The following PHACTR2 variants were observed in gnomAD, a reference collection of about 807,000 sequenced individuals.
PHACTR2 encodes the protein phosphatase and actin regulator 2.
PHACTR2 carries 30 observed loss-of-function variants against 76.0 expected under a neutral mutation model. The observed-to-expected ratio is 0.39, with a 90% CI of 0.30 to 0.54. The LOEUF (loss-of-function observed/expected upper bound fraction) is 0.54, where lower values mean the gene tolerates loss of function less well. PHACTR2 is among the 20% of genes least tolerant of loss of function. PHACTR2 has a pLI of 0.61. For synonymous variants in PHACTR2, 292 were observed against 292.5 expected (o/e 1.00, Z 0.02); for missense variants, 696 against 781.1 (o/e 0.89, Z 1.30).
intron 12 of PHACTR2, among the ~76,000 whole-genome samples, chr6:143,810,416 C>T (rs1268788116): frequency 6.6e-6 from 1 of 152,136 alleles, no homozygotes; most frequent in Admixed American, 6.5e-5. Flanking sequence ...GTTTACAGAT[C>T]TACAGTTTAA....
Position 143,689,312 on chromosome 6 carries a change from G to T in PHACTR2, c.46+11103G>T, listed in dbSNP as rs928641546. 1.3e-5 allele frequency among the ~76,000 whole-genome samples: 2 copies of T among 152,144 alleles called. No individual in the cohort carries two copies. Among genetic ancestry groups the T allele is most frequent in the Non-Finnish European group, 2.9e-5 (2 of 68,032 alleles). On this transcript the variant is annotated intron_variant, in intron 1 of 12. Coordinates refer to ENST00000440869, the MANE Select transcript of PHACTR2 (RefSeq NM_001100164.2). This position sits in a 1 kb window ranked among gnomAD's most constrained non-coding sequence, Gnocchi z 4.4. The stretch of plus-strand genomic sequence containing the variant: ...AGAACATAAGCTCCATGATCTAAAA[G>T]ACGTTATCTGTCTTGTTCACCAATG...
Position 143,537,106 on chromosome 6 carries a change from G to A in PHACTR2, c.116G>A (p.Arg39His). The A allele has an allele frequency of 3.5e-6, 1 of 283,948 alleles. No homozygotes were observed. The highest frequency in any genetic ancestry group is 4.4e-5 in the South Asian group (1 of 22,782). 17.6% of individuals were successfully genotyped at this position (283,948 alleles called of 1,614,324 possible). The change falls in exon 1 of 12, where the codon CGC becomes CAC. Residue 39 changes from arginine to histidine, a missense_variant. Arg to His is a conservative substitution (Grantham distance 29). Transcript: ENST00000367584. The surrounding 1 kb of genome is among the most constrained non-coding windows in gnomAD (Gnocchi z 4.4). ...GCCCCGCCGGCGGCGCCTGCCCTGC[G>A]CTGGCTTCCCGGGGACCCGAGCCCC...
chr6:143,625,512 C>T lies in PHACTR2; in HGVS notation c.13+17190C>T, dbSNP rs1306569879. ...ATAATAAATATTATTGATAACTTAT[C>T]GAATAGGTAATTGCTGCATATTGAT... On this transcript the variant is annotated intron_variant, in intron 1 of 11. Transcript: ENST00000305766. The surrounding 1 kb of genome is among the most constrained non-coding windows in gnomAD (Gnocchi z 4.3). 2.0e-5 allele frequency among the ~76,000 whole-genome samples: 3 copies of T among 152,098 alleles called. No homozygotes were observed. The highest frequency in any genetic ancestry group is 2.9e-5 in the Non-Finnish European group (2 of 68,018).
chr6:143,624,670 A>G lies in PHACTR2; in HGVS notation c.13+16348A>G, dbSNP rs533279805. 1.6e-4 allele frequency among the ~76,000 whole-genome samples: 25 copies of G among 152,042 alleles called. No homozygotes were observed. The highest frequency in any genetic ancestry group is 3.9e-4 in the Admixed American group (6 of 15,266). On this transcript the variant is annotated intron_variant, in intron 1 of 11. Transcript: ENST00000305766. The surrounding 1 kb of genome is among the most constrained non-coding windows in gnomAD (Gnocchi z 4.6). ...CTGCTTGGATGGGGACATGTGTTCA[A>G]TCTGCCCTTGAGGAGCTCCAGGCCT... is the stretch of plus-strand genomic sequence containing the variant.
In PHACTR2 at chr6:143,658,777, C is replaced by T. The variant is rs1374781755; in HGVS notation, c.13+50455C>T. ...ACAGTGACTCTGCCTGTAATCTCAG[C>T]ACTTCGGGAGGCCAAGGTGGCAGGA... On this transcript the variant is annotated intron_variant, in intron 1 of 11. Transcript: ENST00000305766. This position sits in a 1 kb window ranked among gnomAD's most constrained non-coding sequence, Gnocchi z 4.1. Among the ~76,000 whole-genome samples the T allele has an allele frequency of 6.6e-6, 1 of 152,136 alleles. No homozygotes were observed. Among genetic ancestry groups the T allele is most frequent in the East Asian group, 1.9e-4 (1 of 5,194 alleles).
rs770747790 is a variant in PHACTR2, at chr6:143,711,816, T to C, written c.47-200T>C. 275 of 740,802 alleles carry C rather than the reference T, an allele frequency of 3.7e-4. 3 individuals carry two copies. Among genetic ancestry groups the C allele is most frequent in the South Asian group, 3.2e-3 (233 of 73,622 alleles). 45.9% of individuals were successfully genotyped at this position (740,802 alleles called of 1,614,324 possible). A position where few individuals can be genotyped will look rare whatever the true frequency, so the allele number is the denominator to read the frequency against. On this transcript the variant is annotated intron_variant, in intron 1 of 12. Transcript: ENST00000440869. Reference sequence around the variant, plus strand: ...CTAGTCTGTTTCCCCAGAATGATTTTCTAAGTGGGCTGTAATTTCTGATTG... The same window carrying C: ...CTAGTCTGTTTCCCCAGAATGATTTCCTAAGTGGGCTGTAATTTCTGATTG...
Position 143,820,449 on chromosome 6 carries a change from A to C in PHACTR2, c.1923-3225A>C, listed in dbSNP as rs1776393302. On this transcript the variant is annotated intron_variant, in intron 12 of 12. Transcript: ENST00000440869. The surrounding 1 kb of genome is among the most constrained non-coding windows in gnomAD (Gnocchi z 4.2). ...AACATTCCCGTTCCCAAAGGGAGAA[A>C]TCAGACAAAAGAAGGTGGCTACAGG... 6.6e-6 allele frequency among the ~76,000 whole-genome samples: 1 copy of C among 152,224 alleles called. No homozygotes were observed. The highest frequency in any genetic ancestry group is 2.4e-5 in the African/African-American group (1 of 41,454).
Position 143,765,445 on chromosome 6 carries a change from CACA to C in PHACTR2, c.885_887del (p.Thr296del), listed in dbSNP as rs1310639078. Reference sequence around the variant, plus strand: ...CAATAACTTCTCACCTGTCCTCAGACACAACAACTTCTGGCACATCCGACCTGA... The same window carrying C: ...CAATAACTTCTCACCTGTCCTCAGACACAACTTCTGGCACATCCGACCTGA... On this transcript the variant is annotated inframe_deletion, in exon 6 of 13. Coordinates refer to ENST00000440869, the MANE Select transcript of PHACTR2 (RefSeq NM_001100164.2). The surrounding 1 kb of genome is among the most constrained non-coding windows in gnomAD (Gnocchi z 4.1). The C allele has an allele frequency of 2.5e-6, 4 of 1,614,096 alleles. No individual in the cohort carries two copies. The highest frequency in any genetic ancestry group is 1.1e-5 in the South Asian group (1 of 91,088).
At chr6:143,674,144 T>C (rs1411215567), upstream of PHACTR2, among the ~76,000 whole-genome samples, 1 of 152,188 alleles carries the variant, frequency 6.6e-6, no homozygotes, top group African/African-American at 2.4e-5. The surrounding 1 kb of genome is among the most constrained non-coding windows in gnomAD (Gnocchi z 4.9). Flanking sequence ...AACTTTACCA[T>C]AGAGTAACAT....
chr6:143,811,570 C>T lies in PHACTR2; in HGVS notation c.1922+4437C>T, dbSNP rs1776174784. ...TCCAAAACATAAATTGATTAACACT[C>T]TTTAATACCTTTCCAGATAAGGAAA... On this transcript the variant is annotated intron_variant, in intron 12 of 12. Coordinates refer to ENST00000440869, the MANE Select transcript of PHACTR2 (RefSeq NM_001100164.2). The surrounding 1 kb of genome is among the most constrained non-coding windows in gnomAD (Gnocchi z 4.1). 6.6e-6 allele frequency among the ~76,000 whole-genome samples: 1 copy of T among 152,130 alleles called. No homozygotes were observed. Among genetic ancestry groups the T allele is most frequent in the Non-Finnish European group, 1.5e-5 (1 of 68,020 alleles).
intron 1 of PHACTR2, among the ~76,000 whole-genome samples, chr6:143,685,489 C>T (rs1466266384): frequency 1.3e-5 from 2 of 151,886 alleles, no homozygotes; most frequent in African/African-American, 4.8e-5. Flanking sequence ...CACTATGGGC[C>T]AGGAACTACT....
chr6:143,672,737 C>A lies in PHACTR2; in HGVS notation c.14-39279C>A, dbSNP rs189672033. Among the ~76,000 whole-genome samples, 60 of 151,924 alleles carry A rather than the reference C, an allele frequency of 3.9e-4. No individual in the cohort carries two copies. The Middle Eastern group carries it at 0.017, about 43-fold the overall frequency. ...TATTTTTATTTTTATTTATTTATTT[C>A]TTTTTGAGACAGAGTCTCACTCTGT... On this transcript the variant is annotated intron_variant, in intron 1 of 11. Coordinates refer to the PHACTR2 transcript ENST00000305766. This position sits in a 1 kb window ranked among gnomAD's most constrained non-coding sequence, Gnocchi z 5.8.
At chr6:143,674,690 A>G (rs1385182718), upstream of PHACTR2, among the ~76,000 whole-genome samples, 2 of 152,158 alleles carry the variant, frequency 1.3e-5, no homozygotes, top group Non-Finnish European at 2.9e-5. This position sits in a 1 kb window ranked among gnomAD's most constrained non-coding sequence, Gnocchi z 4.9. Context: ...AGCTGGCAGC[A>G]TCTGGACAAG....
rs1173568365 is a variant in PHACTR2 at position 143,754,017 on chromosome 6, GGAGAGGTTTACA to G, written c.454+106_454+117del. The G allele has an allele frequency of 2.3e-5, 14 of 601,566 alleles. No individual in the cohort carries two copies. The highest frequency in any genetic ancestry group is 3.7e-5 in the Non-Finnish European group (14 of 379,238). The allele number at this position is 601,566 out of a possible 1,614,324, so 37.3% of individuals were successfully genotyped here. ...GACTCTAAAACCAGCAGTCTGCAGA[GGAGAGGTTTACA>G]AATAGAAAAAAGAAAGAAATGATAA... On this transcript the variant is annotated intron_variant, in intron 4 of 12. Coordinates refer to ENST00000440869, the MANE Select transcript of PHACTR2 (RefSeq NM_001100164.2). The surrounding 1 kb of genome is among the most constrained non-coding windows in gnomAD (Gnocchi z 6.2).
rs1026805097 is a variant in PHACTR2, at chr6:143,539,062, T to C, written c.217+1855T>C. On this transcript the variant is annotated intron_variant, in intron 1 of 11. Coordinates refer to the PHACTR2 transcript ENST00000367584. This position sits in a 1 kb window ranked among gnomAD's most constrained non-coding sequence, Gnocchi z 4.3. ...TTGGTGATTGTAGACAAAGTATAGCTTGCATCGCCATTTTTCATTTTCATG... is the reference window on the plus strand; with the variant it reads ...TTGGTGATTGTAGACAAAGTATAGCCTGCATCGCCATTTTTCATTTTCATG... Among the ~76,000 whole-genome samples, 3 of 152,236 alleles carry C rather than the reference T, an allele frequency of 2.0e-5. No individual in the cohort carries two copies. The highest frequency in any genetic ancestry group is 4.4e-5 in the Non-Finnish European group (3 of 68,040).
intron 2 of PHACTR2, among the ~76,000 whole-genome samples, chr6:143,745,648 A>G (rs1779043801): frequency 6.6e-6 from 1 of 152,254 alleles, no homozygotes; most frequent in Admixed American, 6.5e-5. Context: ...AGAATGAGAT[A>G]CTTGTACTGC....
intron 2 of PHACTR2, among the ~76,000 whole-genome samples, chr6:143,740,851 CTT>C (rs1266652939): frequency 2.6e-5 from 4 of 152,212 alleles, no homozygotes; most frequent in Non-Finnish European, 5.9e-5. Flanking sequence ...AAGCAGGAGT[CTT>C]TTGGTTACAC....
At position 143,830,819 on chromosome 6, in the gene PHACTR2, G is replaced by A. The variant is rs1218346324; in HGVS notation, c.*7130G>A. 1 of 152,006 alleles carries A rather than the reference G, an allele frequency of 6.6e-6. No homozygotes were observed. The highest frequency in any genetic ancestry group is 1.5e-5 in the Non-Finnish European group (1 of 67,982). 9.4% of individuals were successfully genotyped at this position (152,006 alleles called of 1,614,324 possible). On this transcript the variant is annotated 3_prime_UTR_variant, in exon 13 of 13. Coordinates refer to ENST00000440869, the MANE Select transcript of PHACTR2 (RefSeq NM_001100164.2). ...AAAAGTTACCTCAATAAAATCATTG[G>A]GAAATCCCCAGTTTTAGTTTGTTCC...
chr6:143,820,490 A>G lies in PHACTR2; in HGVS notation c.1923-3184A>G, dbSNP rs1252404389. 6.6e-6 allele frequency among the ~76,000 whole-genome samples: 1 copy of G among 152,240 alleles called. No individual in the cohort carries two copies. The highest frequency in any genetic ancestry group is 2.4e-5 in the African/African-American group (1 of 41,462). ...TGGCTACAGGCCCCATGCAAGTTCAAAACCCAACAAGGCAGTTGTTAAATC... is the reference window on the plus strand; with the variant it reads ...TGGCTACAGGCCCCATGCAAGTTCAGAACCCAACAAGGCAGTTGTTAAATC... On this transcript the variant is annotated intron_variant, in intron 12 of 12. Transcript: ENST00000440869. The surrounding 1 kb of genome is among the most constrained non-coding windows in gnomAD (Gnocchi z 4.2).
Sources: gnomAD v4.1 joint callset for allele counts (sites outside exome capture counted in the v4.1 genomes callset) on GRCh38, gnomAD v4.1.1 for gene constraint, Gnocchi (gnomAD v3.1) non-coding constraint, MANE v1.5 for transcripts, NCBI Gene and HGNC (gene_info 2026-07-23, HGNC 2026-07-21) for gene names.